Variants in KRT79 observed in about 807,000 individuals in gnomAD.
The protein encoded by KRT79 is keratin, type II cytoskeletal 79.
In KRT79, 51 loss-of-function variants were observed where a neutral mutation model predicts 49.0. The ratio of observed to expected loss-of-function variants is 1.04; its 90% CI spans 0.83 to 1.31. The LOEUF (loss-of-function observed/expected upper bound fraction) is 1.31, where lower values mean the gene tolerates loss of function less well. Among genes scored for constraint, KRT79 ranks in the 40% most tolerant of loss-of-function variants. The pLI, the probability that KRT79 is intolerant of heterozygous loss-of-function variation, is 0.00. For synonymous variants in KRT79, 312 were observed against 286.6 expected, an observed-to-expected ratio of 1.09 and a Z score of -0.90; for missense variants, 728 against 688.0, an observed-to-expected ratio of 1.06 and a Z score of -0.65.
rs1244224582 is a variant in KRT79, at chr12:52,822,362, G to T, written c.1385C>A (p.Pro462His). ...ATACTCACAAATGCTGACTGCACTG[G>T]GACATTCTCCAGACATCCTAGGGGA... Reference protein sequence around the residue: ...SEESRMSGECPSAVSISVTGN... With the variant: ...SEESRMSGECHSAVSISVTGN... Residue 462 changes from proline (P) to histidine (H), a missense_variant, in exon 8 of 9, where the codon CCC (proline) becomes CAC (histidine). Pro to His is a moderately conservative substitution (Grantham distance 77). Transcript: ENST00000330553. 6.2e-7 allele frequency: 1 copy of T among 1,603,168 alleles called. No individual in the cohort carries two copies. The highest frequency in any genetic ancestry group is 2.2e-5 in the East Asian group (1 of 44,732).
Position 52,833,877 on chromosome 12 carries a change from A to G in KRT79, c.384T>C (p.His128=), listed in dbSNP as rs531448774. Residue 128 remains histidine (H), a synonymous_variant, in exon 1 of 9, where the codon CAT becomes CAC. Transcript: ENST00000330553. Reference sequence around the variant, plus strand: ...GCTGGATCTCGGGGTCAATCTCCACATGGAGGGGGGTCAGCAGGCTCTGGT... The same window carrying G: ...GCTGGATCTCGGGGTCAATCTCCACGTGGAGGGGGGTCAGCAGGCTCTGGT... ...TVNQSLLTPL[H]VEIDPEIQRV... is the part of the protein sequence containing the mutation. 6.8e-6 allele frequency: 11 copies of G among 1,613,546 alleles called. No homozygotes were observed. Among genetic ancestry groups the G allele is most frequent in the South Asian group, 6.6e-5 (6 of 91,036 alleles).
In KRT79 at chr12:52,822,000, C is replaced by A. The variant is rs753519242; in HGVS notation, c.1480G>T (p.Gly494Trp). The change falls in exon 9 of 9, where the codon GGG (glycine) becomes TGG (tryptophan). Residue 494 changes from glycine to tryptophan, a missense_variant. Physicochemically the swap from Gly to Trp is radical, Grantham distance 184. Coordinates refer to ENST00000330553, the MANE Select transcript of KRT79 (RefSeq NM_175834.3). ...CTGAATCCACCCTTGGTGGCCCCCC[C>A]ACTCCCACCCAGGGAGATGCCACCT... ...FGGGISLGGS[G>W]GATKGGFSTN... 33 of 1,614,212 alleles carry A rather than the reference C, an allele frequency of 2.0e-5. No individual in the cohort carries two copies. Among genetic ancestry groups the A allele is most frequent in the East Asian group, 2.2e-5 (1 of 44,872 alleles).
At chr12:52,824,433 C>T in intron 4 of KRT79, 71 bp from the exon 5 acceptor site, 1 of 1,497,352 alleles carries the variant, frequency 6.7e-7, no homozygotes, top group African/African-American at 1.4e-5. Flanking sequence ...GGGTGAAGGA[C>T]ATGGGCCCCC....
Position 52,830,112 on chromosome 12 carries a change from C to T in KRT79, c.766G>A (p.Asp256Asn), listed in dbSNP as rs750333236. 6.2e-6 allele frequency: 10 copies of T among 1,614,018 alleles called. No individual in the cohort carries two copies. In the South Asian group the frequency reaches 6.6e-5, roughly 11 times the overall value. Residue 256 changes from aspartate to asparagine, a missense_variant, in exon 4 of 9, where the codon GAT becomes AAT. Transcript: ENST00000330553. ...NEFVVLKKDV[D>N]AAYMGRMDLH... ...TCCATCCGGCCCATGTATGCTGCATCCACATCCTGGGGACGAGAGAGCAAG... is the reference window on the plus strand; with the variant it reads ...TCCATCCGGCCCATGTATGCTGCATTCACATCCTGGGGACGAGAGAGCAAG...
In KRT79 at chr12:52,823,161, G is replaced by A; in HGVS notation, c.1222C>T (p.Leu408Phe). 2 of 1,614,214 alleles carry A rather than the reference G, an allele frequency of 1.2e-6. No individual in the cohort carries two copies. Among genetic ancestry groups the A allele is most frequent in the South Asian group, 2.2e-5 (2 of 91,084 alleles). The change falls in exon 7 of 9, where the codon CTT becomes TTT. Residue 408 changes from leucine (L) to phenylalanine (F), a missense_variant. By Grantham distance (22) the Leu-to-Phe change is conservative (BLOSUM62 0). Coordinates refer to ENST00000330553, the MANE Select transcript of KRT79 (RefSeq NM_175834.3). ...ELALKDAQKK[L>F]GDLDVALHQA... is the part of the protein sequence containing the mutation. The stretch of plus-strand genomic sequence containing the variant: ...TGCAGGGCCACATCCAGATCCCCAA[G>A]CTTCTTCTGAGCATCCTTGAGTGCC...
rs1940093108 is a variant in KRT79 at position 52,821,875 on chromosome 12, A to T, written c.1605T>A (p.Tyr535Ter). The T allele has an allele frequency of 6.2e-7, 1 of 1,612,366 alleles. No homozygotes were observed. Among genetic ancestry groups the T allele is most frequent in the African/African-American group, 1.3e-5 (1 of 74,892 alleles). Residue 535 changes from tyrosine (Y) to a stop codon, truncating the protein, a stop_gained, in exon 9 of 9, where the codon TAT becomes TAA. Transcript: ENST00000330553. LOFTEE classifies it high-confidence loss of function. ...TTTVKTSSQRY is the reference protein window; with the variant it reads ...TTTVKTSSQR ...GGGCCCTTGCAGGGCTCAGCAGCTA[A>T]TACCTCTGGCTGGACGTCTTGACCG...
In KRT79 at chr12:52,830,302, A is replaced by G. The variant is rs374473000; in HGVS notation, c.699-10T>C. The G allele has an allele frequency of 1.9e-6, 3 of 1,613,940 alleles. No homozygotes were observed. The highest frequency in any genetic ancestry group is 2.5e-6 in the Non-Finnish European group (3 of 1,179,790). On this transcript the variant is annotated splice_polypyrimidine_tract_variant and intron_variant, in intron 2 of 8. Coordinates refer to ENST00000330553, the MANE Select transcript of KRT79 (RefSeq NM_175834.3). Reference sequence around the variant, plus strand: ...GATTTCATCCTCGTACCTGTTACACATGGGAGACTCAGGCCAGGCTCAGCC... The same window carrying G: ...GATTTCATCCTCGTACCTGTTACACGTGGGAGACTCAGGCCAGGCTCAGCC...
intron 4 of KRT79, 118 bp downstream of exon 4, chr12:52,829,905 T>C: frequency 1.2e-6 from 1 of 846,552 alleles, no homozygotes; most frequent in East Asian, 2.5e-5. Context: ...AAAAAAGTGT[T>C]AAGGTTTCAT....
In KRT79 at chr12:52,824,062, C is replaced by A. The variant is rs763396325; in HGVS notation, c.1021-50G>T. On this transcript the variant is annotated intron_variant, in intron 5 of 8. Coordinates refer to ENST00000330553, the MANE Select transcript of KRT79 (RefSeq NM_175834.3). ...CGCTTTCAAATGGCCCCAGCCCACC[C>A]TCACAGCTGGAGGCCCCATGCAAGT... 3.1e-6 allele frequency: 5 copies of A among 1,613,608 alleles called. No homozygotes were observed. In the South Asian group the frequency reaches 5.5e-5, roughly 18 times the overall value.
In KRT79 at chr12:52,821,613, C is replaced by CGACGTGTCATT; in HGVS notation, c.*258_*259insAATGACACGTC. On this transcript the variant is annotated 3_prime_UTR_variant, in exon 9 of 9. Coordinates refer to ENST00000330553, the MANE Select transcript of KRT79 (RefSeq NM_175834.3). ...AGAAATTCAGCCTCCTCTCGGTGGT[C>CGACGTGTCATT]AAAAGGTCACCCCCAAGTCACCCAA... 7 of 494,330 alleles carry CGACGTGTCATT rather than the reference C, an allele frequency of 1.4e-5. No homozygotes were observed. Among genetic ancestry groups the CGACGTGTCATT allele is most frequent in the Admixed American group, 7.1e-5 (2 of 28,240 alleles). 30.6% of individuals were successfully genotyped at this position (494,330 alleles called of 1,614,324 possible).
In KRT79 at chr12:52,831,395, G is replaced by C. The variant is rs752675294; in HGVS notation, c.698+11C>G. The stretch of plus-strand genomic sequence containing the variant: ...ACTCCCACATGGCCCCGCCTGGCCT[G>C]CTCTCCTCACTTGTTCTTGAAGTCC... On this transcript the variant is annotated intron_variant, in intron 2 of 8. Coordinates refer to ENST00000330553, the MANE Select transcript of KRT79 (RefSeq NM_175834.3). 2.8e-5 allele frequency: 45 copies of C among 1,612,886 alleles called. No homozygotes were observed. Among genetic ancestry groups the C allele is most frequent in the Non-Finnish European group, 3.7e-5 (44 of 1,179,020 alleles).
In KRT79 at chr12:52,833,770, C is replaced by T; in HGVS notation, c.477+14G>A. 1.2e-6 allele frequency: 2 copies of T among 1,607,600 alleles called. No homozygotes were observed. Among genetic ancestry groups the T allele is most frequent in the Non-Finnish European group, 1.7e-6 (2 of 1,174,198 alleles). On this transcript the variant is annotated intron_variant, in intron 1 of 8. Transcript: ENST00000330553. ...TTCCCCAAGAGCTCCCTTCCTCCTT[C>T]CTGCTTGGCCCACCTTGTCGATGAA... is the stretch of plus-strand genomic sequence containing the variant.
chr12:52,822,522 G>A (rs1940107612), intron 7 of KRT79, 143 bp from the exon 8 acceptor site: 1 of 656,598 alleles, frequency 1.5e-6, no homozygotes, highest in East Asian at 2.7e-5. Context: ...TATGTGTATA[G>A]GGCTGTGCCC....
intron 6 of KRT79, 67 bp from the exon 7 acceptor site, chr12:52,823,303 G>GC: frequency 7.6e-7 from 1 of 1,314,188 alleles, no homozygotes; most frequent in Middle Eastern, 1.9e-4. Flanking sequence ...CTGCCCTCAA[G>GC]CCATGGAGAC....
chr12:52,824,422 A>T (rs1318449084), intron 4 of KRT79, 60 bp from the exon 5 acceptor site: 1 of 1,559,854 alleles, frequency 6.4e-7, no homozygotes, highest in African/African-American at 1.4e-5. Flanking sequence ...GAAGCATCAG[A>T]GGGTGAAGGA....
At chr12:52,823,306 A>G (rs1238939800) in intron 6 of KRT79, 70 bp from the exon 7 acceptor site, 1 of 1,284,208 alleles carries the variant, frequency 7.8e-7, no homozygotes, top group Non-Finnish European at 1.1e-6. Flanking sequence ...CCCTCAAGCC[A>G]TGGAGACATC....
At position 52,822,047 on chromosome 12, in the gene KRT79, C is replaced by T; in HGVS notation, c.1433G>A (p.Gly478Glu). Residue 478 changes from glycine (G) to glutamate (E), a missense_variant, in exon 9 of 9, where the codon GGA becomes GAA. By Grantham distance (98) the Gly-to-Glu change is moderately conservative (BLOSUM62 -2). Coordinates refer to ENST00000330553, the MANE Select transcript of KRT79 (RefSeq NM_175834.3). ...ACCTCCAAAGCTGGCTGCGCCACCT[C>T]CGCACACAGTGGTGGAGTTGCCAGT... ...SVTGNSTTVC[G>E]GGAASFGGGI... 1 of 1,614,150 alleles carries T rather than the reference C, an allele frequency of 6.2e-7. No individual in the cohort carries two copies. Among genetic ancestry groups the T allele is most frequent in the Non-Finnish European group, 8.5e-7 (1 of 1,180,044 alleles).
At position 52,822,962 on chromosome 12, in the gene KRT79, TC is replaced by T. The variant is rs1179790359; in HGVS notation, c.1367+53del. 22 of 1,548,462 alleles carry T rather than the reference TC, an allele frequency of 1.4e-5. No homozygotes were observed. In the East Asian group the frequency reaches 3.1e-4, roughly 22 times the overall value. On this transcript the variant is annotated intron_variant, in intron 7 of 8. Transcript: ENST00000330553. ...ACCCCGGAGCAGACTCCCTGGGCTC[TC>T]CCCCAGGGCAGGCCCGACCCAGCTT...
At position 52,824,204 on chromosome 12, in the gene KRT79, C is replaced by T; in HGVS notation, c.1014G>A (p.Gln338=). Residue 338 remains glutamine (Q), a synonymous_variant, in exon 5 of 9, where the codon CAG becomes CAA. Coordinates refer to ENST00000330553, the MANE Select transcript of KRT79 (RefSeq NM_175834.3). Reference sequence around the variant, plus strand: ...AGCCAGCTATGCCTCTCACCTTGGTCTGGTACCAGGCCTCGGCCTCAGCCC... The same window carrying T: ...AGCCAGCTATGCCTCTCACCTTGGTTTGGTACCAGGCCTCGGCCTCAGCCC... ...RSRAEAEAWY[Q]TKYEELQVTA... is the part of the protein sequence containing the mutation. 5.0e-6 allele frequency: 8 copies of T among 1,614,238 alleles called. No individual in the cohort carries two copies. The highest frequency in any genetic ancestry group is 5.9e-6 in the Non-Finnish European group (7 of 1,180,038).
Sources: gnomAD v4.1 joint callset for allele counts on GRCh38, gnomAD v4.1.1 for gene constraint, MANE v1.5 for transcripts, NCBI Gene and HGNC (gene_info 2026-07-23, HGNC 2026-07-21) for gene names.